Variants in RABGEF1 observed in about 807,000 individuals in gnomAD.
RABGEF1 encodes rab5 GDP/GTP exchange factor.
RABGEF1 carries 26 observed loss-of-function variants against 57.3 expected under a neutral mutation model. The observed-to-expected ratio is 0.45, with a 90% confidence interval of 0.33 to 0.63. The LOEUF (loss-of-function observed/expected upper bound fraction) is 0.63. Among genes scored for constraint, RABGEF1 ranks in the 20% least tolerant of loss-of-function variants. The pLI is 0.02. For missense variants in RABGEF1, 464 were observed against 607.6 expected, an observed-to-expected ratio of 0.76 and a Z score of 2.48; for synonymous variants, 185 against 210.7, an observed-to-expected ratio of 0.88 and a Z score of 1.06.
Position 66,809,301 on chromosome 7 carries a change from A to T in RABGEF1, c.*17A>T. The T allele has an allele frequency of 3.2e-6, 5 of 1,585,248 alleles. No individual in the cohort carries two copies. The highest frequency in any genetic ancestry group is 4.3e-6 in the Non-Finnish European group (5 of 1,163,752). ...GCAGGATGATCACAATTTAGTGGAG[A>T]GTATTTATTTGAGCCTAAATTGTAG... is the stretch of plus-strand genomic sequence containing the variant. On this transcript the variant is annotated 3_prime_UTR_variant, in exon 9 of 9. Coordinates refer to ENST00000284957, the MANE Select transcript of RABGEF1 (RefSeq NM_014504.3).
At chr7:66,678,648 T>C (rs1463595160), upstream of RABGEF1, among the ~76,000 whole-genome samples, 2 of 151,726 alleles carry the variant, frequency 1.3e-5, no homozygotes, top group African/African-American at 2.4e-5. Flanking sequence ...TGTGGCAATG[T>C]GGAAACTCAG....
chr7:66,762,359 G>A (rs1328668908), intron 1 of RABGEF1, among the ~76,000 whole-genome samples: 1 of 152,140 alleles, frequency 6.6e-6, no homozygotes, highest in Non-Finnish European at 1.5e-5. Flanking sequence ...GGGAGGCCAA[G>A]GTGGGTGGAT....
upstream of RABGEF1, among the ~76,000 whole-genome samples, chr7:66,680,255 T>A (rs183141815): frequency 4.1e-3 from 625 of 152,280 alleles, 3 homozygotes; most frequent in African/African-American, 0.014. Flanking sequence ...TTTCTCATTT[T>A]TTTTTTTTGA....
chr7:66,732,152 T>C (rs1553609), intron 2 of RABGEF1, among the ~76,000 whole-genome samples: 76,034 of 152,114 alleles, frequency 0.5, 20,002 homozygotes, highest in East Asian at 0.74. Context: ...CCTCTCTTCC[T>C]ATGGTCCAGG....
chr7:66,761,507 A>G (rs1418415627), intron 1 of RABGEF1, among the ~76,000 whole-genome samples: 1 of 152,192 alleles, frequency 6.6e-6, no homozygotes, highest in Non-Finnish European at 1.5e-5. Context: ...CAGAACTTCC[A>G]TGCCTTCCCT....
At chr7:66,699,899 A>G (rs1419811800) in intron 1 of RABGEF1, among the ~76,000 whole-genome samples, 1 of 152,200 alleles carries the variant, frequency 6.6e-6, no homozygotes, top group Admixed American at 6.5e-5. Flanking sequence ...ACCCAGGGCC[A>G]TTGGAGAATG....
chr7:66,655,575 A>G, the RABGEF1 span, among the ~76,000 whole-genome samples: 2 of 152,030 alleles, frequency 1.3e-5, no homozygotes, highest in African/African-American at 4.8e-5. Flanking sequence ...TCACAATGTT[A>G]CCCATGCAGG....
chr7:66,755,241 C>G lies in RABGEF1; in HGVS notation c.-18+14449C>G, dbSNP rs542165486. 2.0e-5 allele frequency among the ~76,000 whole-genome samples: 3 copies of G among 152,202 alleles called. No homozygotes were observed. The South Asian group carries it at 6.2e-4, about 32-fold the overall frequency. On this transcript the variant is annotated intron_variant, in intron 1 of 8. Coordinates refer to ENST00000284957, the MANE Select transcript of RABGEF1 (RefSeq NM_014504.3). ...CTTGGGAGGCGGAGCTTGCAGTGAG[C>G]TGAGATTGCATCACTGCACTCCAGC...
chr7:66,694,570 CA>C (rs1241506452), intron 1 of RABGEF1, among the ~76,000 whole-genome samples: 4 of 152,362 alleles, frequency 2.6e-5, no homozygotes, highest in Non-Finnish European at 5.9e-5. Context: ...GGAGTTCATG[CA>C]AGCCTTTGGC....
upstream of RABGEF1, among the ~76,000 whole-genome samples, chr7:66,738,347 A>C (rs1032460038): frequency 2.0e-5 from 3 of 152,096 alleles, no homozygotes; most frequent in South Asian, 2.1e-4. Flanking sequence ...CTTCACAAAG[A>C]AACTTTGAAA....
chr7:66,787,272 G>T (rs181478785), intron 4 of RABGEF1, among the ~76,000 whole-genome samples: 38 of 149,732 alleles, frequency 2.5e-4, no homozygotes, highest in African/African-American at 8.8e-4. Flanking sequence ...GACCTCAAGT[G>T]GTCTGCCCGC....
chr7:66,771,130 A>G (rs1807014276), intron 1 of RABGEF1, among the ~76,000 whole-genome samples: 2 of 151,592 alleles, frequency 1.3e-5, no homozygotes, highest in Non-Finnish European at 2.9e-5. Context: ...GCAGATATTT[A>G]ATTTTTAAAA....
intron 1 of RABGEF1, among the ~76,000 whole-genome samples, chr7:66,689,340 G>T (rs1288124905): frequency 6.6e-6 from 1 of 151,546 alleles, no homozygotes; most frequent in Non-Finnish European, 1.5e-5. Context: ...AACTCAAATA[G>T]CCAAAATCAG....
intron 4 of RABGEF1, among the ~76,000 whole-genome samples, chr7:66,786,795 T>G (rs1299988018): frequency 6.6e-6 from 1 of 152,236 alleles, no homozygotes; most frequent in Non-Finnish European, 1.5e-5. Flanking sequence ...CCACTTAATG[T>G]TAAAACATGT....
intron 1 of RABGEF1, among the ~76,000 whole-genome samples, chr7:66,760,591 A>T (rs1208347693): frequency 1.3e-5 from 2 of 151,874 alleles, no homozygotes; most frequent in Non-Finnish European, 2.9e-5. Context: ...CTACAGGTGC[A>T]TGCCATCATG....
chr7:66,774,257 A>G (rs905204841), intron 2 of RABGEF1, among the ~76,000 whole-genome samples: 2 of 152,026 alleles, frequency 1.3e-5, no homozygotes, highest in Admixed American at 6.5e-5. Flanking sequence ...ATTTTCTTTT[A>G]CTTAAACCTT....
At chr7:66,711,405 ATTT>A (rs202115107) in intron 1 of RABGEF1, among the ~76,000 whole-genome samples, 2 of 138,198 alleles carry the variant, frequency 1.4e-5, no homozygotes, top group Non-Finnish European at 1.6e-5. Context: ...TTTTGTGCTA[ATTT>A]TTTTTTTTTT....
At chr7:66,790,648 A>G (rs1812429067) in intron 4 of RABGEF1, among the ~76,000 whole-genome samples, 1 of 152,242 alleles carries the variant, frequency 6.6e-6, no homozygotes, top group East Asian at 1.9e-4. Context: ...GTAGTTCATG[A>G]AAAGCTGGTT....
At chr7:66,794,382 C>G (rs762759521) in intron 4 of RABGEF1, among the ~76,000 whole-genome samples, 2 of 151,506 alleles carry the variant, frequency 1.3e-5, no homozygotes, top group East Asian at 3.8e-4. Flanking sequence ...CCTCAAACTC[C>G]TAGGCTCAAT....
Sources: gnomAD v4.1 joint callset for allele counts (sites outside exome capture counted in the v4.1 genomes callset) on GRCh38, gnomAD v4.1.1 for gene constraint, MANE v1.5 for transcripts, NCBI Gene and HGNC (gene_info 2026-07-23, HGNC 2026-07-21) for gene names.